Variants in ZNF610 observed in about 807,000 individuals in gnomAD.
The protein encoded by ZNF610 is zink finger protein.
ZNF610 carries 14 observed loss-of-function variants against 14.1 expected under a neutral mutation model. The observed-to-expected ratio is 0.99, with a 90% CI of 0.65 to 1.55. The LOEUF (loss-of-function observed/expected upper bound fraction) is 1.55, where lower values mean the gene tolerates loss of function less well. Ranked by LOEUF, ZNF610 falls within the 40% of genes most tolerant of loss-of-function variation. The pLI is 0.00. For missense variants in ZNF610, 530 were observed against 558.0 expected (o/e 0.95, Z 0.51); for synonymous variants, 185 against 187.6 (o/e 0.99, Z 0.11).
chr19:52,338,155 C>T (rs1237001459), intron 1 of ZNF610, among the ~76,000 whole-genome samples: 1 of 152,256 alleles, frequency 6.6e-6, no homozygotes, highest in Non-Finnish European at 1.5e-5. Flanking sequence ...CACAGGCATG[C>T]TCCCACTTCA....
At chr19:52,362,521 G>A (rs761513076) in intron 5 of ZNF610, among the ~76,000 whole-genome samples, 4 of 152,176 alleles carry the variant, frequency 2.6e-5, no homozygotes, top group Non-Finnish European at 4.4e-5. Context: ...CCCAAGTGCC[G>A]GGATTATAGA....
At chr19:52,356,247 G>T (rs371990087) in intron 5 of ZNF610, among the ~76,000 whole-genome samples, 1 of 152,134 alleles carries the variant, frequency 6.6e-6, no homozygotes, top group Non-Finnish European at 1.5e-5. Flanking sequence ...AGGGGAGTAG[G>T]TGGCTCTTCT....
At chr19:52,351,378 C>T (rs915676052) in intron 3 of ZNF610, among the ~76,000 whole-genome samples, 4 of 152,000 alleles carry the variant, frequency 2.6e-5, no homozygotes, top group Non-Finnish European at 5.9e-5. Flanking sequence ...ATCACTTGAA[C>T]CCGGGAGATG....
upstream of ZNF610, among the ~76,000 whole-genome samples, chr19:52,331,575 T>C (rs575493511): frequency 6.6e-6 from 1 of 152,296 alleles, no homozygotes; most frequent in African/African-American, 2.4e-5. Flanking sequence ...TTATCAAGAA[T>C]GCAGGATATG....
At position 52,354,169 on chromosome 19, in the gene ZNF610, G is replaced by A. The variant is rs995154012; in HGVS notation, c.191-82G>A. 1.3e-5 allele frequency: 21 copies of A among 1,559,510 alleles called. No individual in the cohort carries two copies. In the Admixed American group the frequency reaches 3.4e-4, roughly 26 times the overall value. ...GAGATATTATTCTTGATCCATTTGC[G>A]ATATCCCCTCTCTTACCTAAACACA... is the stretch of plus-strand genomic sequence containing the variant. On this transcript the variant is annotated intron_variant, in intron 4 of 5. Coordinates refer to ENST00000403906, the MANE Select transcript of ZNF610 (RefSeq NM_001161425.2).
At chr19:52,351,442 C>T (rs890351808) in intron 3 of ZNF610, among the ~76,000 whole-genome samples, 6 of 150,462 alleles carry the variant, frequency 4.0e-5, no homozygotes, top group Non-Finnish European at 8.9e-5. Context: ...GGCGACACAG[C>T]GAGACTGTCT....
At position 52,367,743 on chromosome 19, in the gene ZNF610, T is replaced by G. The variant is rs566455867; in HGVS notation, c.*976T>G. On this transcript the variant is annotated 3_prime_UTR_variant, in exon 6 of 6. Coordinates refer to ENST00000403906, the MANE Select transcript of ZNF610 (RefSeq NM_001161425.2). Reference sequence around the variant, plus strand: ...AGTACAATTTCAGCCTTGTACACCCTCAAATGTGTGTGAGTGTTAAAGAGT... The same window carrying G: ...AGTACAATTTCAGCCTTGTACACCCGCAAATGTGTGTGAGTGTTAAAGAGT... 3.7e-4 allele frequency: 56 copies of G among 152,272 alleles called. No individual in the cohort carries two copies. The highest frequency in any genetic ancestry group is 1.3e-3 in the African/African-American group (54 of 41,554). 9.4% of individuals were successfully genotyped at this position (152,272 alleles called of 1,614,324 possible). A position where few individuals can be genotyped will look rare whatever the true frequency, so the allele number is the denominator to read the frequency against.
At chr19:52,331,153 C>T in the ZNF610 span, among the ~76,000 whole-genome samples, 1 of 152,118 alleles carries the variant, frequency 6.6e-6, no homozygotes, top group South Asian at 2.1e-4. Context: ...CAGACACAGC[C>T]TCAGACAGGT....
At chr19:52,338,942 GT>G (rs768400736) in intron 1 of ZNF610, among the ~76,000 whole-genome samples, 145 of 151,734 alleles carry the variant, frequency 9.6e-4, no homozygotes, top group Non-Finnish European at 1.5e-3. Context: ...CGGTCTCTGA[GT>G]TCCCTCAGTA....
intron 5 of ZNF610, among the ~76,000 whole-genome samples, chr19:52,357,871 C>T (rs1985607224): frequency 6.6e-6 from 1 of 152,004 alleles, no homozygotes; most frequent in Admixed American, 6.6e-5. Context: ...AGGGTCAGGT[C>T]TGGAAGGGTC....
chr19:52,359,672 G>A (rs1600239073), intron 5 of ZNF610, among the ~76,000 whole-genome samples: 2 of 152,106 alleles, frequency 1.3e-5, no homozygotes, highest in South Asian at 2.1e-4. Context: ...CGTGACCGAC[G>A]GTATAGGAGT....
At position 52,353,746 on chromosome 19, in the gene ZNF610, C is replaced by T; in HGVS notation, c.128C>T (p.Pro43Leu). The T allele has an allele frequency of 6.2e-7, 1 of 1,613,920 alleles. No homozygotes were observed. Among genetic ancestry groups the T allele is most frequent in the South Asian group, 1.1e-5 (1 of 91,040 alleles). The change falls in exon 4 of 6, where the codon CCT becomes CTT. Residue 43 changes from proline (P) to leucine (L), a missense_variant. Transcript: ENST00000403906. ...FSQEEWKSLD[P>L]GQRALYRDVM... The stretch of plus-strand genomic sequence containing the variant: ...CAGGAGGAGTGGAAATCCCTGGACC[C>T]TGGACAGAGGGCTTTATACAGGGAC...
At chr19:52,350,941 A>C (rs906837861) in intron 3 of ZNF610, among the ~76,000 whole-genome samples, 1 of 152,174 alleles carries the variant, frequency 6.6e-6, no homozygotes, top group African/African-American at 2.4e-5. Flanking sequence ...TGGAGGCTGC[A>C]GTGAGCCAAG....
At chr19:52,341,257 A>T (rs1984677630) in intron 1 of ZNF610, among the ~76,000 whole-genome samples, 2 of 151,996 alleles carry the variant, frequency 1.3e-5, no homozygotes, top group Non-Finnish European at 2.9e-5. Flanking sequence ...CACCCATTCC[A>T]TTGCTCCTGC....
upstream of ZNF610, among the ~76,000 whole-genome samples, chr19:52,332,506 G>T (rs762889484): frequency 1.3e-5 from 2 of 152,154 alleles, no homozygotes; most frequent in African/African-American, 2.4e-5. The surrounding 1 kb of genome is among the most constrained non-coding windows in gnomAD (Gnocchi z 4.1). Context: ...AAATCTGAAA[G>T]AATATGTTGC....
chr19:52,364,646 T>C (rs983597583), intron 5 of ZNF610, among the ~76,000 whole-genome samples: 7 of 152,198 alleles, frequency 4.6e-5, no homozygotes, highest in African/African-American at 1.7e-4. Flanking sequence ...CACTGCAACC[T>C]CCATGCCCCG....
chr19:52,353,893 A>T, intron 4 of ZNF610, 85 bp downstream of exon 4: 1 of 1,503,768 alleles, frequency 6.6e-7, no homozygotes. Context: ...GAGCCCCTAA[A>T]TTGCTTAACT....
In ZNF610 at chr19:52,336,330, C is replaced by G. The variant is rs1984376151; in HGVS notation, c.-434C>G. 1 of 287,698 alleles carries G rather than the reference C, an allele frequency of 3.5e-6. No homozygotes were observed. Among genetic ancestry groups the G allele is most frequent in the Non-Finnish European group, 6.5e-6 (1 of 152,860 alleles). 17.8% of individuals were successfully genotyped at this position (287,698 alleles called of 1,614,324 possible). A position where few individuals can be genotyped will look rare whatever the true frequency, so the allele number is the denominator to read the frequency against. On this transcript the variant is annotated 5_prime_UTR_variant, in exon 1 of 6. Transcript: ENST00000403906. ...TTTAGATTCAATCTGGGCTTCCCAG[C>G]TCCCCCGCGCTTCTGTACCCGGGAT...
upstream of ZNF610, among the ~76,000 whole-genome samples, chr19:52,334,942 C>T (rs1984302905): frequency 6.6e-6 from 1 of 150,620 alleles, no homozygotes; most frequent in Non-Finnish European, 1.5e-5. Flanking sequence ...AACAAACACA[C>T]ACACACACAC....
Sources: allele counts gnomAD v4.1 joint callset (sites outside exome capture counted in the v4.1 genomes callset), GRCh38; gene constraint gnomAD v4.1.1; non-coding constraint Gnocchi (gnomAD v3.1); transcripts MANE v1.5; gene names NCBI Gene and HGNC (gene_info 2026-07-23, HGNC 2026-07-21).